Variants in NRXN3 observed in about 807,000 individuals in gnomAD.
The protein encoded by NRXN3 is neurexin III.
In NRXN3, 32 loss-of-function variants were observed where a neutral mutation model predicts 137.6. That is an observed-to-expected ratio of 0.23 (90% CI 0.18 to 0.31). The LOEUF (loss-of-function observed/expected upper bound fraction) is 0.31, where lower values mean the gene tolerates loss of function less well. NRXN3 is among the 10% of genes least tolerant of loss of function. The pLI is 1.00. For synonymous variants in NRXN3, 798 were observed against 784.5 expected (o/e 1.02, Z -0.29); for missense variants, 1,574 against 2,062.5 (o/e 0.76, Z 4.59).
intron 15 of NRXN3, among the ~76,000 whole-genome samples, chr14:79,022,286 C>T (rs2099591013): frequency 6.6e-6 from 1 of 152,162 alleles, no homozygotes; most frequent in African/African-American, 2.4e-5. Flanking sequence ...AGCTAGAGAA[C>T]ATGAGCTAGT....
chr14:78,603,864 T>C (rs1329531621), intron 4 of NRXN3, among the ~76,000 whole-genome samples: 2 of 152,188 alleles, frequency 1.3e-5, no homozygotes, highest in African/African-American at 4.8e-5. Context: ...CAGTCACAGT[T>C]ATGAAAATAA....
intron 15 of NRXN3, among the ~76,000 whole-genome samples, chr14:79,439,647 G>T (rs1257030391): frequency 1.3e-5 from 2 of 152,176 alleles, no homozygotes; most frequent in African/African-American, 4.8e-5. Context: ...CAATGGAGAA[G>T]TTAAAAGTCT....
chr14:79,203,267 T>G (rs2066317892), intron 15 of NRXN3, among the ~76,000 whole-genome samples: 2 of 152,210 alleles, frequency 1.3e-5, no homozygotes, highest in South Asian at 4.1e-4. Context: ...CATATGACAT[T>G]TTTCATTTGT....
intron 19 of NRXN3, among the ~76,000 whole-genome samples, chr14:79,777,745 G>A (rs1433518280): frequency 6.6e-6 from 1 of 151,146 alleles, no homozygotes; most frequent in Non-Finnish European, 1.5e-5. Context: ...TTGTGGGTGG[G>A]GTATCTACTC....
intron 4 of NRXN3, among the ~76,000 whole-genome samples, chr14:78,510,566 T>A (rs1224238102): frequency 6.6e-6 from 1 of 152,192 alleles, no homozygotes; most frequent in African/African-American, 2.4e-5. Context: ...AAAAAGGAAA[T>A]AACTCACACA....
intron 15 of NRXN3, among the ~76,000 whole-genome samples, chr14:79,429,044 T>C (rs1343542324): frequency 6.6e-6 from 1 of 152,186 alleles, no homozygotes; most frequent in East Asian, 1.9e-4. Flanking sequence ...ATTAGGACTG[T>C]GCATTGCGGA....
chr14:79,759,461 A>C (rs1426620027), intron 19 of NRXN3, among the ~76,000 whole-genome samples: 1 of 151,502 alleles, frequency 6.6e-6, no homozygotes, highest in Non-Finnish European at 1.5e-5. Context: ...AAAATACCTT[A>C]CGTATACTTC....
chr14:79,332,713 C>A (rs1466902463), intron 15 of NRXN3, among the ~76,000 whole-genome samples: 1 of 152,134 alleles, frequency 6.6e-6, no homozygotes, highest in Non-Finnish European at 1.5e-5. Context: ...TTCTAGGCTG[C>A]ATCCCTCAAT....
At chr14:78,977,376 G>A (rs1477984909) in intron 14 of NRXN3, among the ~76,000 whole-genome samples, 5 of 151,826 alleles carry the variant, frequency 3.3e-5, no homozygotes, top group African/African-American at 4.8e-5. Flanking sequence ...TTTTGTTGTT[G>A]TTGAGACTGG....
chr14:79,566,318 A>G lies in NRXN3; in HGVS notation c.3445-97460A>G, dbSNP rs139932992. Among the ~76,000 whole-genome samples the G allele has an allele frequency of 4.6e-3, 707 of 152,232 alleles. 6 individuals are homozygous for G. The highest frequency in any genetic ancestry group is 0.016 in the African/African-American group (677 of 41,540). On this transcript the variant is annotated intron_variant, in intron 16 of 20. Transcript: ENST00000335750. ...CAAACAGAGAAGAAACTCAAGGACCATAGAATCTTTCCTTGCTTTTAGTTT... is the reference window on the plus strand; with the variant it reads ...CAAACAGAGAAGAAACTCAAGGACCGTAGAATCTTTCCTTGCTTTTAGTTT...
intron 16 of NRXN3, among the ~76,000 whole-genome samples, chr14:79,609,150 C>T (rs1460447117): frequency 1.3e-5 from 2 of 151,898 alleles, no homozygotes; most frequent in Admixed American, 6.6e-5. Flanking sequence ...ATGGTGAGTT[C>T]GCGTGAGAAA....
intron 4 of NRXN3, among the ~76,000 whole-genome samples, chr14:78,607,744 C>G (rs2097264622): frequency 6.6e-6 from 1 of 152,172 alleles, no homozygotes; most frequent in Non-Finnish European, 1.5e-5. Context: ...TTGCTATTCT[C>G]CACGATCTGT....
At chr14:78,494,071 A>G (rs1408575360) in intron 4 of NRXN3, among the ~76,000 whole-genome samples, 1 of 152,132 alleles carries the variant, frequency 6.6e-6, no homozygotes, top group East Asian at 1.9e-4. Context: ...TTTTAAAGAG[A>G]CTGCTGCCAG....
chr14:78,588,265 A>G (rs1170472899), intron 4 of NRXN3, among the ~76,000 whole-genome samples: 4 of 152,188 alleles, frequency 2.6e-5, no homozygotes, highest in Non-Finnish European at 4.4e-5. Flanking sequence ...CCACTCAATC[A>G]TTCTCCTGAA....
At chr14:78,296,872 G>A (rs1323987417) in intron 3 of NRXN3, among the ~76,000 whole-genome samples, 2 of 151,744 alleles carry the variant, frequency 1.3e-5, no homozygotes, top group South Asian at 2.1e-4. Flanking sequence ...TCAGAGTAAG[G>A]TTCTCTGGAG....
intron 15 of NRXN3, among the ~76,000 whole-genome samples, chr14:79,186,015 T>C (rs1014881106): frequency 6.6e-6 from 1 of 152,214 alleles, no homozygotes; most frequent in African/African-American, 2.4e-5. Context: ...ACTGTCTGTC[T>C]GACCTTGAGA....
intron 15 of NRXN3, among the ~76,000 whole-genome samples, chr14:79,031,974 A>T (rs2099609021): frequency 6.6e-6 from 1 of 152,152 alleles, no homozygotes; most frequent in Non-Finnish European, 1.5e-5. Context: ...CCAAAAAAAT[A>T]ACCCAACCGG....
intron 8 of NRXN3, among the ~76,000 whole-genome samples, chr14:78,717,706 G>A (rs774626558): frequency 1.1e-4 from 17 of 152,126 alleles, no homozygotes; most frequent in Non-Finnish European, 2.2e-4. Context: ...AAGCCCTAGT[G>A]TGTTCCAGGC....
chr14:78,674,285 T>C (rs2097972964), intron 6 of NRXN3, among the ~76,000 whole-genome samples: 2 of 152,196 alleles, frequency 1.3e-5, no homozygotes, highest in Admixed American at 1.3e-4. Flanking sequence ...CAAGGTGTTT[T>C]TGGTGTCTAC....
Sources: gnomAD v4.1 joint callset for allele counts (sites outside exome capture counted in the v4.1 genomes callset) on GRCh38, gnomAD v4.1.1 for gene constraint, MANE v1.5 for transcripts, NCBI Gene and HGNC (gene_info 2026-07-23, HGNC 2026-07-21) for gene names.